Variants in PACS1 observed in about 807,000 individuals in gnomAD.
PACS1 encodes PACS-1.
In PACS1, 24 loss-of-function variants were observed where a neutral mutation model predicts 115.0. The observed-to-expected ratio is 0.21, with a 90% CI of 0.15 to 0.29. The LOEUF is 0.29. Among genes scored for constraint, PACS1 ranks in the 10% least tolerant of loss-of-function variants. The pLI is 1.00. For missense variants in PACS1, 838 were observed against 1,251.2 expected, an observed-to-expected ratio of 0.67 and a Z score of 4.98; for synonymous variants, 453 against 504.5, an observed-to-expected ratio of 0.90 and a Z score of 1.37.
chr11:66,108,746 CAGAG>C (rs1858113813), intron 1 of PACS1, among the ~76,000 whole-genome samples: 1 of 151,866 alleles, frequency 6.6e-6, no homozygotes. Context: ...GCCTGAGTGA[CAGAG>C]AGAGGCCTTG....
At chr11:66,238,217 G>C (rs1376916694) in intron 19 of PACS1, 2 of 985,198 alleles carry the variant, frequency 2.0e-6, no homozygotes, top group Admixed American at 1.2e-4. Context: ...CCAGAGAGGA[G>C]AAGGCTGGTG....
chr11:66,168,905 G>C (rs1435201662), intron 1 of PACS1, among the ~76,000 whole-genome samples: 1 of 150,346 alleles, frequency 6.7e-6, no homozygotes, highest in Non-Finnish European at 1.5e-5. Context: ...TCCTAATAAT[G>C]AGAATTCTTC....
In PACS1 at chr11:66,129,300, C is replaced by T. The variant is rs1988826; in HGVS notation, c.356+58458C>T. Among the ~76,000 whole-genome samples, 1,460 of 151,552 alleles carry T rather than the reference C, an allele frequency of 9.6e-3. 9 individuals are homozygous for T. The highest frequency in any genetic ancestry group is 0.016 in the Non-Finnish European group (1,083 of 67,862). On this transcript the variant is annotated intron_variant, in intron 1 of 23. Transcript: ENST00000320580. ...TACAACAATTAGCCAGGTGTGGTGG[C>T]GCGCACTTGTAATCCCAGCTACTTA... is the stretch of plus-strand genomic sequence containing the variant.
intron 2 of PACS1, among the ~76,000 whole-genome samples, chr11:66,197,886 C>A (rs1024267323): frequency 6.6e-6 from 1 of 152,158 alleles, no homozygotes; most frequent in African/African-American, 2.4e-5. Flanking sequence ...TATCACTTTG[C>A]GTCTGGATTT....
intron 1 of PACS1, among the ~76,000 whole-genome samples, chr11:66,102,165 T>C (rs1018897305): frequency 2.0e-5 from 3 of 152,082 alleles, no homozygotes; most frequent in Non-Finnish European, 2.9e-5. Flanking sequence ...ATTAGTTCAA[T>C]TGAATGGCTG....
intron 4 of PACS1, among the ~76,000 whole-genome samples, chr11:66,213,351 C>T (rs990056592): frequency 6.6e-6 from 1 of 152,226 alleles, no homozygotes; most frequent in African/African-American, 2.4e-5. Flanking sequence ...TAATATGTCT[C>T]ATCATTCGTT....
intron 1 of PACS1, among the ~76,000 whole-genome samples, chr11:66,108,416 T>C (rs1858102801): frequency 6.6e-6 from 1 of 152,032 alleles, no homozygotes; most frequent in Non-Finnish European, 1.5e-5. Flanking sequence ...ACTTTAGGGA[T>C]TAGGGCTCCA....
At chr11:66,157,994 T>A (rs1332996999) in intron 1 of PACS1, among the ~76,000 whole-genome samples, 3 of 152,204 alleles carry the variant, frequency 2.0e-5, no homozygotes, top group African/African-American at 7.2e-5. Context: ...AGGGTCTGGC[T>A]CTGTTGCCCA....
intron 1 of PACS1, among the ~76,000 whole-genome samples, chr11:66,071,359 C>G (rs1047856965): frequency 1.3e-5 from 2 of 152,148 alleles, no homozygotes; most frequent in African/African-American, 2.4e-5. Flanking sequence ...CACGTTCTGT[C>G]CCAAGCGCTA....
chr11:66,162,151 T>C (rs1335953951), intron 1 of PACS1, among the ~76,000 whole-genome samples: 2 of 123,308 alleles, frequency 1.6e-5, no homozygotes, highest in East Asian at 5.6e-4. Flanking sequence ...TTTGAGACAG[T>C]GTCTCTGTCG....
At position 66,204,679 on chromosome 11, in the gene PACS1, G is replaced by A. The variant is rs543482529; in HGVS notation, c.445-5683G>A. Among the ~76,000 whole-genome samples, 27 of 152,184 alleles carry A rather than the reference G, an allele frequency of 1.8e-4. No individual in the cohort carries two copies. In the South Asian group the frequency reaches 3.9e-3, roughly 22 times the overall value. ...CATGGATGGAACTGGAGGACATTAT[G>A]TTAAATGAAATAAGCCAGGTACAGA... On this transcript the variant is annotated intron_variant, in intron 2 of 23. Transcript: ENST00000320580.
intron 1 of PACS1, among the ~76,000 whole-genome samples, chr11:66,190,685 A>G (rs1854498910): frequency 6.6e-6 from 1 of 152,188 alleles, no homozygotes; most frequent in Non-Finnish European, 1.5e-5. Flanking sequence ...ACATTTCTGA[A>G]TAGCCATTTG....
At chr11:66,076,601 C>T (rs1300420521) in intron 1 of PACS1, among the ~76,000 whole-genome samples, 1 of 152,156 alleles carries the variant, frequency 6.6e-6, no homozygotes, top group East Asian at 1.9e-4. Flanking sequence ...CCATGTTGGC[C>T]AGGCTGGTTT....
At chr11:66,071,629 G>A (rs1857311738) in intron 1 of PACS1, among the ~76,000 whole-genome samples, 1 of 152,240 alleles carries the variant, frequency 6.6e-6, no homozygotes, top group Non-Finnish European at 1.5e-5. Context: ...TGGGGACAGG[G>A]TGCTGTGTCT....
At chr11:66,115,963 TAA>T (rs1479016110) in intron 1 of PACS1, among the ~76,000 whole-genome samples, 1 of 152,250 alleles carries the variant, frequency 6.6e-6, no homozygotes, top group East Asian at 1.9e-4. Flanking sequence ...CTGAGGGTTT[TAA>T]ATTCTTGTTA....
At chr11:66,112,078 T>A (rs1858202275) in intron 1 of PACS1, among the ~76,000 whole-genome samples, 1 of 152,222 alleles carries the variant, frequency 6.6e-6, no homozygotes, top group Non-Finnish European at 1.5e-5. Flanking sequence ...CATCACGCAG[T>A]AGCCACCAGA....
intron 1 of PACS1, among the ~76,000 whole-genome samples, chr11:66,078,754 A>G (rs940782421): frequency 3.3e-5 from 5 of 152,148 alleles, no homozygotes; most frequent in African/African-American, 2.4e-5. Flanking sequence ...AGGTCCCACT[A>G]TGCTGCCCAG....
chr11:66,172,107 TTA>T lies in PACS1; in HGVS notation c.357-21376_357-21375del, dbSNP rs1859754033. Among the ~76,000 whole-genome samples, 3 of 152,366 alleles carry T rather than the reference TTA, an allele frequency of 2.0e-5. No individual in the cohort carries two copies. In the South Asian group the frequency reaches 6.2e-4, roughly 32 times the overall value. On this transcript the variant is annotated intron_variant, in intron 1 of 23. Transcript: ENST00000320580. The stretch of plus-strand genomic sequence containing the variant: ...TAAATCAGACATTGCCATTCTTGTT[TTA>T]TAAAAGCAATGTTTGTTTAAATTTC...
At chr11:66,213,840 T>C (rs1467223767) in intron 4 of PACS1, among the ~76,000 whole-genome samples, 1 of 152,112 alleles carries the variant, frequency 6.6e-6, no homozygotes, top group Non-Finnish European at 1.5e-5. Flanking sequence ...GAAACCATCC[T>C]GGCTAACACG....
Sources: allele counts gnomAD v4.1 joint callset (sites outside exome capture counted in the v4.1 genomes callset), GRCh38; gene constraint gnomAD v4.1.1; transcripts MANE v1.5; gene names NCBI Gene and HGNC (gene_info 2026-07-23, HGNC 2026-07-21).